The following LRRN2 variants were observed in gnomAD, a reference collection of about 807,000 sequenced individuals.
The protein encoded by LRRN2 is leucine-rich repeat neuronal protein 2.
Under a neutral mutation model 35.7 loss-of-function variants are expected in LRRN2, and 10 were observed. That is an observed-to-expected ratio of 0.28 (90% CI 0.17 to 0.47). The LOEUF is 0.47. LRRN2 is among the 20% of genes least tolerant of loss of function. The pLI, the probability that LRRN2 is intolerant of heterozygous loss-of-function variation, is 0.99. For synonymous variants in LRRN2, 391 were observed against 409.6 expected, an observed-to-expected ratio of 0.95 and a Z score of 0.55; for missense variants, 731 against 940.3, an observed-to-expected ratio of 0.78 and a Z score of 2.91.
chr1:204,630,021 G>A (rs538508591), intron 1 of LRRN2, among the ~76,000 whole-genome samples: 20 of 152,188 alleles, frequency 1.3e-4, no homozygotes, highest in South Asian at 6.3e-4. Context: ...GACAGGAGCC[G>A]TACTCCAAAC....
In LRRN2 at chr1:204,655,571, C is replaced by T. The variant is rs535178185; in HGVS notation, c.-227+29749G>A. Among the ~76,000 whole-genome samples the T allele has an allele frequency of 1.0e-3, 153 of 152,230 alleles. 2 individuals carry two copies. The highest frequency in any genetic ancestry group is 2.9e-3 in the Admixed American group (44 of 15,300). ...TAGGCCTCCCAAAGTGCTGGGATTA[C>T]AGGCATGAGCCACCATGCCCAGCCA... is the stretch of plus-strand genomic sequence containing the variant. On this transcript the variant is annotated intron_variant, in intron 1 of 1. Coordinates refer to ENST00000367177, the MANE Select transcript of LRRN2 (RefSeq NM_201630.2).
intron 1 of LRRN2, among the ~76,000 whole-genome samples, chr1:204,667,233 A>G (rs1238892416): frequency 6.6e-6 from 1 of 152,174 alleles, no homozygotes; most frequent in Non-Finnish European, 1.5e-5. Flanking sequence ...GATAAACTCT[A>G]GGGTTATACC....
intron 1 of LRRN2, among the ~76,000 whole-genome samples, chr1:204,660,725 T>G (rs964417373): frequency 1.3e-5 from 2 of 152,154 alleles, no homozygotes; most frequent in Admixed American, 6.5e-5. Context: ...CCTAAATAAG[T>G]TGCACAACTC....
intron 1 of LRRN2, among the ~76,000 whole-genome samples, chr1:204,670,432 T>C (rs1668682654): frequency 6.6e-6 from 1 of 152,126 alleles, no homozygotes; most frequent in African/African-American, 2.4e-5. Context: ...TGAGGTTTCT[T>C]GAGACATCCA....
At chr1:204,641,380 G>A (rs755458774) in intron 1 of LRRN2, among the ~76,000 whole-genome samples, 4 of 152,118 alleles carry the variant, frequency 2.6e-5, no homozygotes, top group South Asian at 2.1e-4. Context: ...TCCAAAATAA[G>A]TATCTTTTTC....
chr1:204,657,355 C>CAT (rs1405646928), intron 1 of LRRN2, among the ~76,000 whole-genome samples: 1 of 151,668 alleles, frequency 6.6e-6, no homozygotes, highest in Non-Finnish European at 1.5e-5. Context: ...CACACACACA[C>CAT]ACACACACAC....
intron 1 of LRRN2, among the ~76,000 whole-genome samples, chr1:204,679,910 G>T (rs1392115684): frequency 6.6e-6 from 1 of 152,236 alleles, no homozygotes; most frequent in Non-Finnish European, 1.5e-5. Context: ...CCTCTCTGAA[G>T]ATCCCGAAAA....
intron 1 of LRRN2, among the ~76,000 whole-genome samples, chr1:204,679,714 C>T (rs1668903799): frequency 6.6e-6 from 1 of 152,240 alleles, no homozygotes; most frequent in Non-Finnish European, 1.5e-5. Context: ...TCTCACGTCT[C>T]CCAGCAAGCC....
intron 1 of LRRN2, among the ~76,000 whole-genome samples, chr1:204,640,764 A>T (rs1389891469): frequency 6.6e-6 from 1 of 152,120 alleles, no homozygotes; most frequent in Non-Finnish European, 1.5e-5. Flanking sequence ...AGCTGCGGCC[A>T]CTAGGTGACA....
chr1:204,620,300 G>C (rs1208242013), intron 1 of LRRN2, 82 bp from the exon 2 acceptor site: 4 of 999,276 alleles, frequency 4.0e-6, no homozygotes, highest in East Asian at 7.2e-5. Context: ...GTTTGAGACA[G>C]AGTCTCATTC....
intron 1 of LRRN2, among the ~76,000 whole-genome samples, chr1:204,658,158 A>G (rs1188664775): frequency 9.9e-5 from 15 of 151,644 alleles, no homozygotes; most frequent in Admixed American, 9.9e-4. Context: ...TTATATTTTT[A>G]GTGGAGACGG....
intron 1 of LRRN2, among the ~76,000 whole-genome samples, chr1:204,685,075 C>T (rs1412726589): frequency 1.3e-5 from 2 of 152,212 alleles, no homozygotes; most frequent in African/African-American, 4.8e-5. Context: ...TGCCCCTCGG[C>T]CGCCTCCCTC....
At chr1:204,626,463 C>T (rs1042833092) in intron 1 of LRRN2, among the ~76,000 whole-genome samples, 5 of 152,062 alleles carry the variant, frequency 3.3e-5, no homozygotes, top group Non-Finnish European at 7.4e-5. Context: ...CTGTGCCTGC[C>T]GTGCCCTTTC....
chr1:204,629,967 G>A (rs1474305126), intron 1 of LRRN2, among the ~76,000 whole-genome samples: 1 of 152,150 alleles, frequency 6.6e-6, no homozygotes, highest in Non-Finnish European at 1.5e-5. Flanking sequence ...GGTGTGTGGG[G>A]GGGTTAAAAA....
intron 1 of LRRN2, among the ~76,000 whole-genome samples, chr1:204,675,676 T>A (rs184087920): frequency 2.0e-5 from 3 of 152,374 alleles, no homozygotes; most frequent in South Asian, 2.1e-4. Flanking sequence ...ATATCAGCAA[T>A]CTTCTTTCTC....
chr1:204,683,668 C>G (rs1669002527), intron 1 of LRRN2, among the ~76,000 whole-genome samples: 1 of 152,034 alleles, frequency 6.6e-6, no homozygotes, highest in South Asian at 2.1e-4. Context: ...GGTGCCAGAC[C>G]CTGGGCAGAC....
chr1:204,636,421 T>C (rs1280935662), intron 1 of LRRN2, among the ~76,000 whole-genome samples: 2 of 152,204 alleles, frequency 1.3e-5, no homozygotes, highest in Non-Finnish European at 2.9e-5. Context: ...CACCATAGAA[T>C]TACATGGGGA....
rs150582759 is a variant in LRRN2, at chr1:204,634,559, G to A, written c.-226-14341C>T. Among the ~76,000 whole-genome samples, 512 of 152,288 alleles carry A rather than the reference G, an allele frequency of 3.4e-3. 3 individuals carry two copies. Among genetic ancestry groups the A allele is most frequent in the African/African-American group, 0.011 (447 of 41,552 alleles). ...TATCCTTATAAGAAAAAAAAGCCAT[G>A]TGAAGACAGAGGCACACAGGAAGGT... On this transcript the variant is annotated intron_variant, in intron 1 of 1. Coordinates refer to ENST00000367177, the MANE Select transcript of LRRN2 (RefSeq NM_201630.2).
At chr1:204,675,528 C>T (rs1372512396) in intron 1 of LRRN2, among the ~76,000 whole-genome samples, 2 of 152,208 alleles carry the variant, frequency 1.3e-5, no homozygotes, top group African/African-American at 4.8e-5. Flanking sequence ...ATCTTCAACA[C>T]CAGCACTGGC....
Sources: allele counts gnomAD v4.1 joint callset (sites outside exome capture counted in the v4.1 genomes callset), GRCh38; gene constraint gnomAD v4.1.1; transcripts MANE v1.5; gene names NCBI Gene and HGNC (gene_info 2026-07-23, HGNC 2026-07-21).